The following ZNF492 variants were observed in gnomAD, a reference collection of about 807,000 sequenced individuals.
The protein encoded by ZNF492 is zinc finger protein 492, also known as zinc finger protein 115 (Y20).
ZNF492 carries 3 observed loss-of-function variants against 6.4 expected under a neutral mutation model. That is an observed-to-expected ratio of 0.47 (90% CI 0.21 to 1.22). The LOEUF (loss-of-function observed/expected upper bound fraction) is 1.22. Ranked by LOEUF, ZNF492 falls within the 50% of genes most tolerant of loss-of-function variation. The probability of loss-of-function intolerance (pLI) is 0.22; values close to 1 mark genes in which losing one functional copy is unlikely to be tolerated. For missense variants in ZNF492, 356 were observed against 612.5 expected (o/e 0.58, Z 4.42); for synonymous variants, 112 against 205.3 (o/e 0.55, Z 3.89).
At chr19:22,647,909 T>G (rs1446549526) in intron 1 of ZNF492, among the ~76,000 whole-genome samples, 2 of 151,832 alleles carry the variant, frequency 1.3e-5, no homozygotes, top group Non-Finnish European at 2.9e-5. Context: ...TTTGCTATTT[T>G]TTAGTAGAGA....
chr19:22,634,509 G>A (rs1353124067), intron 1 of ZNF492, 35 bp downstream of exon 1: 1 of 1,375,654 alleles, frequency 7.3e-7, no homozygotes, highest in Admixed American at 1.7e-5. Context: ...CGAGAGAGGG[G>A]AAGGGGCTGG....
At chr19:22,635,422 C>T (rs1439956809) in intron 1 of ZNF492, among the ~76,000 whole-genome samples, 1 of 152,124 alleles carries the variant, frequency 6.6e-6, no homozygotes, top group Non-Finnish European at 1.5e-5. Flanking sequence ...TATTATTTGT[C>T]CTTTAGTGTA....
chr19:22,650,754 G>A lies in ZNF492; in HGVS notation c.-93-2553G>A, dbSNP rs568096141. Among the ~76,000 whole-genome samples the A allele has an allele frequency of 5.8e-4, 89 of 152,232 alleles. 1 individual carries two copies. The highest frequency in any genetic ancestry group is 2.0e-3 in the African/African-American group (82 of 41,498). On this transcript the variant is annotated intron_variant, in intron 1 of 3. Transcript: ENST00000456783. ...GGGGGACACCTCTTGGGACCAAGCC[G>A]TCCAGCATCCCTGGCTCCAGCAGGG...
intron 1 of ZNF492, among the ~76,000 whole-genome samples, chr19:22,635,544 A>C (rs1171834275): frequency 1.3e-5 from 2 of 152,250 alleles, no homozygotes; most frequent in African/African-American, 4.8e-5. Flanking sequence ...AAAGCAAGGA[A>C]TATCCCGATA....
chr19:22,658,022 G>A (rs1972014261), intron 3 of ZNF492, among the ~76,000 whole-genome samples: 1 of 152,046 alleles, frequency 6.6e-6, no homozygotes, highest in African/African-American at 2.4e-5. Context: ...TGACTTGACG[G>A]TAATTTTTGG....
intron 1 of ZNF492, among the ~76,000 whole-genome samples, chr19:22,651,847 A>AAAT (rs3033251): frequency 5.2e-4 from 79 of 151,960 alleles, no homozygotes; most frequent in Non-Finnish European, 6.8e-4. Context: ...GAAAGTTTAA[A>AAAT]AATAATAATA....
chr19:22,661,365 G>A lies in ZNF492; in HGVS notation c.131-2435G>A, dbSNP rs114995760. On this transcript the variant is annotated intron_variant, in intron 3 of 3. Coordinates refer to ENST00000456783, the MANE Select transcript of ZNF492 (RefSeq NM_020855.3). Reference sequence around the variant, plus strand: ...ATGGTTTCTTTCTGAAGTTTATACGGTATTTTTGATGAAATTATATTGCCC... The same window carrying A: ...ATGGTTTCTTTCTGAAGTTTATACGATATTTTTGATGAAATTATATTGCCC... Among the ~76,000 whole-genome samples the A allele has an allele frequency of 6.1e-3, 921 of 151,988 alleles. 11 individuals are homozygous for A. The highest frequency in any genetic ancestry group is 0.019 in the African/African-American group (776 of 41,428).
rs1469659857 is a variant in ZNF492, at chr19:22,666,423, T to TTAGGTGA, written c.*1160_*1166dup. ...CCAGGCTGGTCTCGAACTCGAGACT[T>TTAGGTGA]TAGGTGATCCGCCCAGCTTGGCCTC... On this transcript the variant is annotated 3_prime_UTR_variant, in exon 4 of 4. Transcript: ENST00000456783. 2 of 152,188 alleles carry TTAGGTGA rather than the reference T, an allele frequency of 1.3e-5. No homozygotes were observed. Among genetic ancestry groups the TTAGGTGA allele is most frequent in the African/African-American group, 4.8e-5 (2 of 41,440 alleles). 9.4% of individuals were successfully genotyped at this position (152,188 alleles called of 1,614,324 possible). A position where few individuals can be genotyped will look rare whatever the true frequency, so the allele number is the denominator to read the frequency against.
chr19:22,652,238 T>TTTTTTTTTTTTTTTTTTTA (rs1971947686), intron 1 of ZNF492, among the ~76,000 whole-genome samples: 1 of 124,140 alleles, frequency 8.1e-6, no homozygotes, highest in African/African-American at 4.5e-5. Context: ...TTTTTTTTTT[T>TTTTTTTTTTTTTTTTTTTA]GAGACGGAGT....
At chr19:22,638,993 C>T (rs944849058) in intron 1 of ZNF492, among the ~76,000 whole-genome samples, 23 of 152,104 alleles carry the variant, frequency 1.5e-4, no homozygotes, top group Admixed American at 5.2e-4. Flanking sequence ...AGATGCCTGC[C>T]ACCACGCCTG....
chr19:22,634,394 C>T lies in ZNF492; in HGVS notation c.-174C>T. On this transcript the variant is annotated 5_prime_UTR_variant, in exon 1 of 4. Coordinates refer to ENST00000456783, the MANE Select transcript of ZNF492 (RefSeq NM_020855.3). ...TTCTGCGTCCTCTGGTCCTAGAGGC[C>T]CATCCTCTGTGGCCCTGTGACCTGC... The T allele has an allele frequency of 7.8e-7, 1 of 1,288,578 alleles. No homozygotes were observed. The highest frequency in any genetic ancestry group is 1.2e-5 in the South Asian group (1 of 85,000). The allele number at this position is 1,288,578 out of a possible 1,614,324, so 79.8% of individuals were successfully genotyped here.
At chr19:22,634,581 C>T in intron 1 of ZNF492, 107 bp downstream of exon 1, 2 of 1,142,064 alleles carry the variant, frequency 1.8e-6, no homozygotes, top group Non-Finnish European at 2.5e-6. Flanking sequence ...GCTCCACAAT[C>T]TGCGCCCCAA....
chr19:22,646,931 T>C (rs1045802040), intron 1 of ZNF492, among the ~76,000 whole-genome samples: 1 of 152,194 alleles, frequency 6.6e-6, no homozygotes, highest in Admixed American at 6.5e-5. Context: ...AGTTTCTCTC[T>C]TGTTGCCCAG....
At chr19:22,660,602 T>C (rs1243245960) in intron 3 of ZNF492, among the ~76,000 whole-genome samples, 2 of 149,904 alleles carry the variant, frequency 1.3e-5, no homozygotes, top group Non-Finnish European at 3.0e-5. Context: ...CAGTTGTTTA[T>C]AATTTCTGTG....
At chr19:22,652,889 G>GA in intron 1 of ZNF492, among the ~76,000 whole-genome samples, 1 of 152,070 alleles carries the variant, frequency 6.6e-6, no homozygotes, top group East Asian at 1.9e-4. Context: ...CAGATTTTCT[G>GA]AAAAAATAAT....
At chr19:22,635,933 TG>T (rs1356839461) in intron 1 of ZNF492, among the ~76,000 whole-genome samples, 4 of 152,164 alleles carry the variant, frequency 2.6e-5, no homozygotes, top group African/African-American at 9.7e-5. Flanking sequence ...AATTGTGTCA[TG>T]GGGGTTTGGT....
intron 1 of ZNF492, among the ~76,000 whole-genome samples, chr19:22,648,494 A>C (rs1449857727): frequency 2.0e-5 from 3 of 152,168 alleles, no homozygotes; most frequent in Non-Finnish European, 4.4e-5. Context: ...CAAGTCCTGA[A>C]TATCCTAGTT....
intron 3 of ZNF492, among the ~76,000 whole-genome samples, chr19:22,659,569 C>T (rs1290086094): frequency 1.3e-5 from 2 of 149,794 alleles, no homozygotes; most frequent in Non-Finnish European, 2.9e-5. Context: ...GATACACACA[C>T]ACACACACAC....
chr19:22,642,710 G>A (rs1971841090), intron 1 of ZNF492, among the ~76,000 whole-genome samples: 1 of 152,020 alleles, frequency 6.6e-6, no homozygotes, highest in African/African-American at 2.4e-5. Context: ...TTTGACTCAG[G>A]ATTGTCTTTA....
Sources: gnomAD v4.1 joint callset for allele counts (sites outside exome capture counted in the v4.1 genomes callset) on GRCh38, gnomAD v4.1.1 for gene constraint, MANE v1.5 for transcripts, NCBI Gene and HGNC (gene_info 2026-07-23, HGNC 2026-07-21) for gene names.